The following MGLL variants were observed in gnomAD, a reference collection of about 807,000 sequenced individuals.
MGLL encodes lysophospholipase homolog.
MGLL carries 7 observed loss-of-function variants against 29.1 expected under a neutral mutation model. The ratio of observed to expected loss-of-function variants is 0.24; its 90% CI spans 0.14 to 0.45. The LOEUF is 0.45. Ranked by LOEUF, MGLL falls within the 20% of genes least tolerant of loss-of-function variation. The pLI, the probability that MGLL is intolerant of heterozygous loss-of-function variation, is 0.99. For synonymous variants in MGLL, 148 were observed against 168.3 expected (o/e 0.88, Z 0.93); for missense variants, 356 against 413.6 (o/e 0.86, Z 1.21).
intron 2 of MGLL, among the ~76,000 whole-genome samples, chr3:127,790,783 G>A (rs1242313897): frequency 1.3e-5 from 2 of 152,094 alleles, no homozygotes; most frequent in Non-Finnish European, 2.9e-5. Context: ...ACACCAGAAT[G>A]CCTGGATTTC....
intron 3 of MGLL, among the ~76,000 whole-genome samples, chr3:127,742,589 CAAAAAAA>C (rs60743176): frequency 2.8e-5 from 2 of 70,496 alleles, no homozygotes. Context: ...GACTCCGTCC[CAAAAAAA>C]AAAAAAAAAA....
chr3:127,722,458 A>G lies in MGLL; in HGVS notation c.371T>C (p.Leu124Pro). 6.2e-7 allele frequency: 1 copy of G among 1,614,262 alleles called. No individual in the cohort carries two copies. The highest frequency in any genetic ancestry group is 1.1e-5 in the South Asian group (1 of 91,086). The change falls in exon 4 of 8, where the codon CTT becomes CCT. Residue 124 changes from leucine (L) to proline (P), a missense_variant. Coordinates refer to ENST00000265052, the MANE Select transcript of MGLL (RefSeq NM_007283.7). Reference sequence around the variant, plus strand: ...GGAGTGGCCCAGAAGGAAGACAGGAAGCCCAGGGTAGTCTTTCTGCATGGA... The same window carrying G: ...GGAGTGGCCCAGAAGGAAGACAGGAGGCCCAGGGTAGTCTTTCTGCATGGA... The part of the protein sequence containing the change: ...VDSMQKDYPG[L>P]PVFLLGHSMG...
intron 5 of MGLL, chr3:127,715,939 G>T (rs895799005): frequency 4.9e-6 from 2 of 409,292 alleles, no homozygotes. Context: ...TCCTACAGGA[G>T]CATTGAGAGA....
At chr3:127,699,456 G>T (rs1284630372) in intron 6 of MGLL, among the ~76,000 whole-genome samples, 1 of 152,202 alleles carries the variant, frequency 6.6e-6, no homozygotes, top group Non-Finnish European at 1.5e-5. Context: ...ACTAGGTGCT[G>T]TAGTAAGTGC....
intron 3 of MGLL, among the ~76,000 whole-genome samples, chr3:127,779,439 G>A (rs1435626170): frequency 6.6e-6 from 1 of 151,888 alleles, no homozygotes; most frequent in Non-Finnish European, 1.5e-5. Flanking sequence ...ATCTCTGTAG[G>A]CATTTGTGCC....
intron 2 of MGLL, among the ~76,000 whole-genome samples, chr3:127,786,830 C>T (rs914069359): frequency 6.6e-6 from 1 of 152,166 alleles, no homozygotes; most frequent in Non-Finnish European, 1.5e-5. Flanking sequence ...CTAATGAAAG[C>T]CCCCCATCGC....
intron 3 of MGLL, among the ~76,000 whole-genome samples, chr3:127,736,808 C>T (rs1176319751): frequency 6.6e-6 from 1 of 152,192 alleles, no homozygotes; most frequent in Non-Finnish European, 1.5e-5. Flanking sequence ...GATCCTCCTG[C>T]CTCAGCTTCC....
At chr3:127,740,257 A>T (rs2076315005) in intron 3 of MGLL, among the ~76,000 whole-genome samples, 1 of 152,200 alleles carries the variant, frequency 6.6e-6, no homozygotes, top group Non-Finnish European at 1.5e-5. Flanking sequence ...ACATGCAGCT[A>T]CCAGCACCAT....
chr3:127,694,462 C>T (rs763461877), intron 7 of MGLL, among the ~76,000 whole-genome samples: 1 of 151,686 alleles, frequency 6.6e-6, no homozygotes, highest in Non-Finnish European at 1.5e-5. Flanking sequence ...TTCCACATAA[C>T]CAAGCCGCAG....
At chr3:127,713,960 A>ATTTTTCTCT in intron 5 of MGLL, 1 of 152,320 alleles carries the variant, frequency 6.6e-6, no homozygotes, top group East Asian at 1.9e-4. Context: ...AGCCAGAGAG[A>ATTTTTCTCT]GAGCCTGCCT....
At chr3:127,715,474 A>G (rs113871897) in intron 5 of MGLL, 11 of 348,338 alleles carry the variant, frequency 3.2e-5, no homozygotes, top group African/African-American at 1.9e-4. Context: ...TAAAAGCCCC[A>G]AGAAAGAGGA....
At chr3:127,781,983 G>A in intron 2 of MGLL, 88 bp from the exon 3 acceptor site, 7 of 1,229,192 alleles carry the variant, frequency 5.7e-6, no homozygotes, top group South Asian at 1.2e-5. Flanking sequence ...CACTTTGGGA[G>A]GCCGGGGCGG....
At position 127,692,391 on chromosome 3, in the gene MGLL, G is replaced by A. The variant is rs146312468; in HGVS notation, c.817-68C>T. On this transcript the variant is annotated intron_variant, in intron 7 of 7. Coordinates refer to ENST00000265052, the MANE Select transcript of MGLL (RefSeq NM_007283.7). ...GGCAGGTGCAGGGAGCGGAGACCGT[G>A]GGCAGTGGGCAGGGGTCTGCAGCAT... The A allele has an allele frequency of 4.0e-4, 630 of 1,592,022 alleles. 2 individuals are homozygous for A. In the East Asian group the frequency reaches 0.013, roughly 33 times the overall value.
At position 127,781,816 on chromosome 3, in the gene MGLL, C is replaced by T; in HGVS notation, c.235G>A (p.Asp79Asn). Residue 79 changes from aspartate (D) to asparagine (N), a missense_variant, in exon 3 of 8, where the codon GAC (aspartate) becomes AAC (asparagine). Coordinates refer to ENST00000265052, the MANE Select transcript of MGLL (RefSeq NM_007283.7). Reference sequence around the variant, plus strand: ...TGGTCGTGGGCGAACACCAGCAGGTCCAGCCCCATCAGCATCCGAGCCAGC... The same window carrying T: ...TGGTCGTGGGCGAACACCAGCAGGTTCAGCCCCATCAGCATCCGAGCCAGC... ...EELARMLMGL[D>N]LLVFAHDHVG... is the part of the protein sequence containing the mutation. 1 of 1,614,116 alleles carries T rather than the reference C, an allele frequency of 6.2e-7. No individual in the cohort carries two copies. The highest frequency in any genetic ancestry group is 8.5e-7 in the Non-Finnish European group (1 of 1,180,020).
intron 3 of MGLL, among the ~76,000 whole-genome samples, chr3:127,726,168 GAAA>G (rs2076033867): frequency 6.5e-5 from 2 of 30,814 alleles, no homozygotes; most frequent in Admixed American, 3.1e-4. Context: ...AAGAAAGAAA[GAAA>G]GAAAGAAAGA....
chr3:127,736,143 G>A, intron 3 of MGLL: 4 of 1,098,192 alleles, frequency 3.6e-6, no homozygotes, highest in East Asian at 1.1e-4. Context: ...CCTAATAAAA[G>A]TACAGACACC....
intron 5 of MGLL, among the ~76,000 whole-genome samples, chr3:127,717,219 T>G (rs956656631): frequency 5.3e-5 from 8 of 152,162 alleles, no homozygotes; most frequent in Non-Finnish European, 7.3e-5. Flanking sequence ...GTTCCACTTG[T>G]TTCCCCTCCC....
At chr3:127,713,102 G>A (rs1297736654) in intron 5 of MGLL, 1 of 152,278 alleles carries the variant, frequency 6.6e-6, no homozygotes, top group African/African-American at 2.4e-5. Flanking sequence ...TGTGAGGGAA[G>A]ACTTCTGTGT....
At chr3:127,757,476 A>G (rs1187027664) in intron 3 of MGLL, among the ~76,000 whole-genome samples, 2 of 152,198 alleles carry the variant, frequency 1.3e-5, no homozygotes, top group Admixed American at 6.5e-5. Flanking sequence ...AGACATACAC[A>G]CACATATATA....
Sources: gnomAD v4.1 joint callset for allele counts (sites outside exome capture counted in the v4.1 genomes callset) on GRCh38, gnomAD v4.1.1 for gene constraint, MANE v1.5 for transcripts, NCBI Gene and HGNC (gene_info 2026-07-23, HGNC 2026-07-21) for gene names.